The following DIAPH3 variants were observed in gnomAD, a reference collection of about 807,000 sequenced individuals.
The protein encoded by DIAPH3 is protein diaphanous homolog 3.
A neutral mutation model predicts 144.3 loss-of-function variants in DIAPH3; 117 were observed. The ratio of observed to expected loss-of-function variants is 0.81; its 90% CI spans 0.70 to 0.95. DIAPH3 has a LOEUF of 0.95. DIAPH3 is among the 40% of genes least tolerant of loss of function. The pLI is 0.00. For missense variants in DIAPH3, 1,421 were observed against 1,412.7 expected (o/e 1.01, Z -0.09); for synonymous variants, 519 against 488.9 (o/e 1.06, Z -0.81).
rs754642174 is a variant in DIAPH3, at chr13:59,833,189, A to G, written c.2945T>C (p.Ile982Thr). 3.8e-5 allele frequency: 62 copies of G among 1,610,624 alleles called. No individual in the cohort carries two copies. In the East Asian group the frequency reaches 1.3e-3, roughly 34 times the overall value. Residue 982 changes from isoleucine to threonine, a missense_variant, in exon 24 of 28, where the codon ATA (isoleucine) becomes ACA (threonine). Coordinates refer to ENST00000400324, the MANE Select transcript of DIAPH3 (RefSeq NM_001042517.2). The part of the protein sequence containing the change: ...ENMEKLYQSI[I>T]GYYAIDVKKV... ...CTTCACATCAATGGCATAGTATCCT[A>G]TTATACTCTGGTATAACTTTTCCAT...
intron 25 of DIAPH3, among the ~76,000 whole-genome samples, chr13:59,786,313 T>G (rs2039025786): frequency 6.6e-6 from 1 of 152,202 alleles, no homozygotes. Flanking sequence ...AATAAAGGAT[T>G]ATTATTCTAC....
intron 27 of DIAPH3, among the ~76,000 whole-genome samples, chr13:59,703,684 C>G (rs1197458798): frequency 6.6e-6 from 1 of 152,150 alleles, no homozygotes; most frequent in Non-Finnish European, 1.5e-5. Flanking sequence ...ATATTCATTT[C>G]AAAGTCCCTG....
At chr13:59,937,764 C>G (rs974190064) in intron 17 of DIAPH3, among the ~76,000 whole-genome samples, 1 of 152,070 alleles carries the variant, frequency 6.6e-6, no homozygotes, top group Non-Finnish European at 1.5e-5. Context: ...TATTTGATGA[C>G]AGCATGCCTA....
chr13:59,670,017 T>C (rs2032270053), intron 27 of DIAPH3, among the ~76,000 whole-genome samples: 1 of 152,202 alleles, frequency 6.6e-6, no homozygotes, highest in East Asian at 1.9e-4. Flanking sequence ...TGCCTAGCAT[T>C]TCCTGGGTTT....
At chr13:59,761,094 T>C (rs1467153269) in intron 27 of DIAPH3, among the ~76,000 whole-genome samples, 4 of 152,210 alleles carry the variant, frequency 2.6e-5, no homozygotes, top group African/African-American at 9.6e-5. Context: ...GCATTCTTAA[T>C]GCATGTCAAT....
chr13:60,007,490 T>G (rs1454006676), intron 9 of DIAPH3, among the ~76,000 whole-genome samples: 1 of 152,202 alleles, frequency 6.6e-6, no homozygotes, highest in Non-Finnish European at 1.5e-5. Context: ...AAACTATAAC[T>G]TTTTACTTTT....
intron 9 of DIAPH3, among the ~76,000 whole-genome samples, chr13:60,007,287 G>A (rs2052938252): frequency 1.3e-5 from 2 of 152,120 alleles, no homozygotes; most frequent in Admixed American, 1.3e-4. Context: ...CTGACATCAG[G>A]TGATCTGCCT....
At chr13:59,961,955 TA>T (rs1316217688) in intron 17 of DIAPH3, among the ~76,000 whole-genome samples, 1 of 152,208 alleles carries the variant, frequency 6.6e-6, no homozygotes, top group Non-Finnish European at 1.5e-5. Flanking sequence ...AGTATACTTT[TA>T]TTAATAAATG....
intron 1 of DIAPH3, among the ~76,000 whole-genome samples, chr13:60,137,252 GA>G (rs1344648345): frequency 6.6e-6 from 1 of 152,072 alleles, no homozygotes; most frequent in Non-Finnish European, 1.5e-5. Flanking sequence ...GAGTCGGGGG[GA>G]AAAAAGTAGA....
At position 59,879,384 on chromosome 13, in the gene DIAPH3, G is replaced by A. The variant is rs769126351; in HGVS notation, c.2452C>T (p.Pro818Ser). ...GCAGTACTGACAGCCATGATGTCAG[G>A]TTTGATGTTGTTCACCTGCTCTTCA... ...QFEEQVNNIK[P>S]DIMAVSTACE... Residue 818 changes from proline (P) to serine (S), a missense_variant, in exon 21 of 28, where the codon CCT (proline) becomes TCT (serine). Pro to Ser is a moderately conservative substitution (Grantham distance 74). Coordinates refer to ENST00000400324, the MANE Select transcript of DIAPH3 (RefSeq NM_001042517.2). The A allele has an allele frequency of 1.7e-5, 28 of 1,613,670 alleles. No individual in the cohort carries two copies. In the South Asian group the frequency reaches 2.9e-4, roughly 16 times the overall value.
chr13:60,125,237 A>T (rs1420947236), intron 2 of DIAPH3, among the ~76,000 whole-genome samples: 1 of 151,930 alleles, frequency 6.6e-6, no homozygotes, highest in African/African-American at 2.4e-5. Context: ...TTTTTAAGAC[A>T]AGGTTTCCCT....
chr13:60,125,276 C>T (rs117970917), intron 2 of DIAPH3, among the ~76,000 whole-genome samples: 3,366 of 151,928 alleles, frequency 0.022, 98 homozygotes, highest in Admixed American at 0.082. Context: ...TACAGTGGCA[C>T]AATCATGGCT....
intron 4 of DIAPH3, 141 bp from the exon 5 acceptor site, chr13:60,042,961 A>C (rs774915187): frequency 9.0e-6 from 8 of 893,486 alleles, no homozygotes; most frequent in Admixed American, 2.1e-5. Flanking sequence ...TAATTTCCTT[A>C]CTTCTGCCCA....
chr13:59,787,151 C>T lies in DIAPH3; in HGVS notation c.3164-12328G>A, dbSNP rs531967214. On this transcript the variant is annotated intron_variant, in intron 25 of 27. Transcript: ENST00000400324. ...ATGTACTACACTTGGTGATTCATATCAAATACACATGACAAGTCAATTCAT... is the reference window on the plus strand; with the variant it reads ...ATGTACTACACTTGGTGATTCATATTAAATACACATGACAAGTCAATTCAT... 1.2e-3 allele frequency among the ~76,000 whole-genome samples: 185 copies of T among 152,178 alleles called. 1 individual carries two copies. The highest frequency in any genetic ancestry group is 4.3e-3 in the African/African-American group (179 of 41,502).
chr13:60,091,299 T>C (rs936143179), intron 4 of DIAPH3, among the ~76,000 whole-genome samples: 5 of 152,204 alleles, frequency 3.3e-5, no homozygotes, highest in South Asian at 2.1e-4. Context: ...CAGGACACAG[T>C]GATAGACTAT....
intron 13 of DIAPH3, among the ~76,000 whole-genome samples, chr13:59,982,840 G>A (rs188838030): frequency 3.0e-4 from 46 of 151,574 alleles, no homozygotes; most frequent in South Asian, 1.5e-3. Flanking sequence ...CAAATGTTCC[G>A]AACGTTAACA....
rs2047681169 is a variant in DIAPH3 at position 59,924,871 on chromosome 13, C to T, written c.2075-1G>A. 2.5e-6 allele frequency: 4 copies of T among 1,598,592 alleles called. No homozygotes were observed. The highest frequency in any genetic ancestry group is 3.4e-6 in the Non-Finnish European group (4 of 1,169,390). On this transcript the variant is annotated splice_acceptor_variant, in intron 17 of 27. Coordinates refer to ENST00000400324, the MANE Select transcript of DIAPH3 (RefSeq NM_001042517.2). LOFTEE classifies it high-confidence loss of function. ...TCAATATCTTCCTCTTCTCTTCTCT[C>T]TGTAAAACCAAGATAGATCCATGTT...
intron 23 of DIAPH3, among the ~76,000 whole-genome samples, chr13:59,837,185 A>T (rs567109866): frequency 6.6e-6 from 1 of 152,170 alleles, no homozygotes; most frequent in African/African-American, 2.4e-5. Context: ...AATGCTAATC[A>T]GTTCATTAGA....
intron 5 of DIAPH3, among the ~76,000 whole-genome samples, chr13:60,027,559 T>TA (rs1321460853): frequency 1.3e-5 from 2 of 151,856 alleles, no homozygotes; most frequent in Admixed American, 6.6e-5. Context: ...ACAGGAATGA[T>TA]AAAAAAACAA....
Sources: allele counts gnomAD v4.1 joint callset (sites outside exome capture counted in the v4.1 genomes callset), GRCh38; gene constraint gnomAD v4.1.1; transcripts MANE v1.5; gene names NCBI Gene and HGNC (gene_info 2026-07-23, HGNC 2026-07-21).